The following RSPO3 variants were observed in gnomAD, a reference collection of about 807,000 sequenced individuals.
RSPO3 encodes the protein R-spondin 3.
A neutral mutation model predicts 36.5 loss-of-function variants in RSPO3; 17 were observed. The ratio of observed to expected loss-of-function variants is 0.47; its 90% CI spans 0.32 to 0.70. RSPO3 has a LOEUF of 0.70. Ranked by LOEUF, RSPO3 falls within the 30% of genes least tolerant of loss-of-function variation. The probability of loss-of-function intolerance (pLI) is 0.04; values close to 1 mark genes in which losing one functional copy is unlikely to be tolerated. For synonymous variants in RSPO3, 108 were observed against 107.0 expected, an observed-to-expected ratio of 1.01 and a Z score of -0.06; for missense variants, 294 against 322.5, an observed-to-expected ratio of 0.91 and a Z score of 0.68.
intron 1 of RSPO3, among the ~76,000 whole-genome samples, chr6:127,126,782 A>G (rs992850571): frequency 4.6e-5 from 7 of 152,016 alleles, no homozygotes; most frequent in African/African-American, 1.7e-4. Context: ...ACTTGAAAGA[A>G]TCCAGTCCAT....
Position 127,187,670 on chromosome 6 carries a change from A to G in RSPO3, c.635-8153A>G, listed in dbSNP as rs137916730. Among the ~76,000 whole-genome samples the G allele has an allele frequency of 4.7e-3, 718 of 152,276 alleles. 9 individuals are homozygous for G. The highest frequency in any genetic ancestry group is 0.017 in the African/African-American group (698 of 41,566). ...TTACTTTCCAAGAGTTTTATGATCT[A>G]TCCTAAGGTGATAGATAGGATTTCA... On this transcript the variant is annotated intron_variant, in intron 4 of 4. Transcript: ENST00000356698.
chr6:127,168,364 CA>C (rs1462549745), intron 4 of RSPO3, among the ~76,000 whole-genome samples: 1 of 117,574 alleles, frequency 8.5e-6, no homozygotes, highest in Non-Finnish European at 2.0e-5. Flanking sequence ...TGATGATGAG[CA>C]TTTTTTTCAT....
chr6:127,123,590 C>T (rs958479084), intron 1 of RSPO3, among the ~76,000 whole-genome samples: 1 of 151,972 alleles, frequency 6.6e-6, no homozygotes, highest in Non-Finnish European at 1.5e-5. Flanking sequence ...ATTTTAATTC[C>T]GTTTATTACT....
At chr6:127,155,025 A>G (rs1774564430) in intron 3 of RSPO3, among the ~76,000 whole-genome samples, 1 of 152,176 alleles carries the variant, frequency 6.6e-6, no homozygotes, top group Non-Finnish European at 1.5e-5. Context: ...TCCAATGCAA[A>G]AATGAGTTTA....
At position 127,197,504 on chromosome 6, in the gene RSPO3, C is replaced by T. The variant is rs2114288888; in HGVS notation, c.*1497C>T. The T allele has an allele frequency of 6.4e-7, 1 of 1,550,570 alleles. No homozygotes were observed. The highest frequency in any genetic ancestry group is 8.7e-7 in the Non-Finnish European group (1 of 1,146,970). ...GCCCACCCCTTGCAGGAGGAGGTATCTCTGAGTGTGCAGCACAGAATCGCA... is the reference window on the plus strand; with the variant it reads ...GCCCACCCCTTGCAGGAGGAGGTATTTCTGAGTGTGCAGCACAGAATCGCA... On this transcript the variant is annotated 3_prime_UTR_variant, in exon 5 of 5. Transcript: ENST00000356698.
chr6:127,171,454 G>A (rs190581358), intron 4 of RSPO3, among the ~76,000 whole-genome samples: 1 of 151,624 alleles, frequency 6.6e-6, no homozygotes, highest in Non-Finnish European at 1.5e-5. Context: ...TTCTTTCTAG[G>A]TTTTCTCCTC....
intron 1 of RSPO3, among the ~76,000 whole-genome samples, chr6:127,137,292 G>A (rs916549301): frequency 6.6e-6 from 1 of 152,166 alleles, no homozygotes; most frequent in Non-Finnish European, 1.5e-5. Flanking sequence ...TTGGGAGGCT[G>A]AGGCAGGCGA....
chr6:127,146,457 T>G (rs1237078443), intron 1 of RSPO3, among the ~76,000 whole-genome samples: 1 of 152,102 alleles, frequency 6.6e-6, no homozygotes, highest in Non-Finnish European at 1.5e-5. Flanking sequence ...TTCAAAGCTC[T>G]CTCCTGAAGA....
chr6:127,187,510 CAAGT>C (rs1303818982), intron 4 of RSPO3, among the ~76,000 whole-genome samples: 3 of 152,018 alleles, frequency 2.0e-5, no homozygotes, highest in Non-Finnish European at 4.4e-5. Context: ...CCTTTGATAA[CAAGT>C]AAGAATGAGA....
At chr6:127,144,013 G>T (rs1260840631) in intron 1 of RSPO3, among the ~76,000 whole-genome samples, 2 of 152,142 alleles carry the variant, frequency 1.3e-5, no homozygotes, top group Non-Finnish European at 2.9e-5. Flanking sequence ...CAAGTTAAAG[G>T]TTATCAAATA....
At chr6:127,186,932 G>A (rs1037730945) in intron 4 of RSPO3, among the ~76,000 whole-genome samples, 1 of 152,140 alleles carries the variant, frequency 6.6e-6, no homozygotes, top group African/African-American at 2.4e-5. Context: ...GTCTGGCAAT[G>A]TGTGTATAAC....
chr6:127,147,533 G>A (rs1225515028), intron 1 of RSPO3, among the ~76,000 whole-genome samples: 2 of 152,004 alleles, frequency 1.3e-5, no homozygotes, highest in Non-Finnish European at 2.9e-5. Flanking sequence ...GAACACATTA[G>A]GAAAAGAAAT....
At chr6:127,140,423 G>C (rs925092783) in intron 1 of RSPO3, among the ~76,000 whole-genome samples, 1 of 152,156 alleles carries the variant, frequency 6.6e-6, no homozygotes, top group Non-Finnish European at 1.5e-5. Context: ...GGGAGGAACA[G>C]AGGAGAAACG....
In RSPO3 at chr6:127,195,984, G is replaced by C; in HGVS notation, c.796G>C (p.Val266Leu). The C allele has an allele frequency of 6.2e-7, 1 of 1,612,804 alleles. No homozygotes were observed. The highest frequency in any genetic ancestry group is 1.7e-4 in the Middle Eastern group (1 of 6,054). ...AAAAGTCCAAGATAAACAGAAATCGGTATCAGTCAGCACTGTACACTAGAG... is the reference window on the plus strand; with the variant it reads ...AAAAGTCCAAGATAAACAGAAATCGCTATCAGTCAGCACTGTACACTAGAG... ...KRKVQDKQKS[V>L]SVSTVH The change falls in exon 5 of 5, where the codon GTA becomes CTA. Residue 266 changes from valine to leucine, a missense_variant. Coordinates refer to ENST00000356698, the MANE Select transcript of RSPO3 (RefSeq NM_032784.5).
chr6:127,154,052 G>A (rs867643092), intron 3 of RSPO3, among the ~76,000 whole-genome samples: 13 of 152,046 alleles, frequency 8.6e-5, no homozygotes, highest in South Asian at 4.1e-4. Context: ...ATTTAATTCC[G>A]TGTTGCACTC....
rs1461280411 is a variant in RSPO3, at chr6:127,196,016, A to G, written c.*9A>G. ...TCAGCACTGTACACTAGAGGGTTCC[A>G]TGAGATTATTGTAGACTCATGATGC... On this transcript the variant is annotated 3_prime_UTR_variant, in exon 5 of 5. Coordinates refer to ENST00000356698, the MANE Select transcript of RSPO3 (RefSeq NM_032784.5). 6.3e-7 allele frequency: 1 copy of G among 1,596,178 alleles called. No homozygotes were observed. The highest frequency in any genetic ancestry group is 1.3e-5 in the African/African-American group (1 of 74,372).
At position 127,196,162 on chromosome 6, in the gene RSPO3, T is replaced by A; in HGVS notation, c.*155T>A. 1 of 526,254 alleles carries A rather than the reference T, an allele frequency of 1.9e-6. No homozygotes were observed. Among genetic ancestry groups the A allele is most frequent in the Non-Finnish European group, 3.1e-6 (1 of 321,706 alleles). 32.6% of individuals were successfully genotyped at this position (526,254 alleles called of 1,614,324 possible). On this transcript the variant is annotated 3_prime_UTR_variant, in exon 5 of 5. Coordinates refer to ENST00000356698, the MANE Select transcript of RSPO3 (RefSeq NM_032784.5). Reference sequence around the variant, plus strand: ...AGTTGCTATATTCTTCATACAAGCATAGTTAACAACAAAGAGCCAAAAGAT... The same window carrying A: ...AGTTGCTATATTCTTCATACAAGCAAAGTTAACAACAAAGAGCCAAAAGAT...
intron 4 of RSPO3, among the ~76,000 whole-genome samples, chr6:127,173,745 C>A (rs1275506930): frequency 6.6e-6 from 1 of 151,792 alleles, no homozygotes; most frequent in Non-Finnish European, 1.5e-5. Context: ...AAAGCAGATG[C>A]AGCATGACTT....
rs773525574 is a variant in RSPO3, at chr6:127,119,155, G to C, written c.-38G>C. 1.6e-5 allele frequency: 23 copies of C among 1,404,218 alleles called. No homozygotes were observed. The South Asian group carries it at 1.9e-4, about 12-fold the overall frequency. The allele number at this position is 1,404,218 out of a possible 1,614,324, so 87.0% of individuals were successfully genotyped here. On this transcript the variant is annotated 5_prime_UTR_variant, in exon 1 of 5. Transcript: ENST00000356698. The stretch of plus-strand genomic sequence containing the variant: ...CATTAAATATAATTAACAATCAAAA[G>C]AAAGAGGAGAAAGGAAGGGAAGCAT...
Sources: gnomAD v4.1 joint callset for allele counts (sites outside exome capture counted in the v4.1 genomes callset) on GRCh38, gnomAD v4.1.1 for gene constraint, MANE v1.5 for transcripts, NCBI Gene and HGNC (gene_info 2026-07-23, HGNC 2026-07-21) for gene names.